The following DIP2B variants were observed in gnomAD, a reference collection of about 807,000 sequenced individuals.
DIP2B encodes the protein disco-interacting protein 2 homolog B.
A neutral mutation model predicts 198.0 loss-of-function variants in DIP2B; 76 were observed. That is an observed-to-expected ratio of 0.38 (90% CI 0.32 to 0.46). The LOEUF (loss-of-function observed/expected upper bound fraction) is 0.46. Among genes scored for constraint, DIP2B ranks in the 20% least tolerant of loss-of-function variants. The pLI is 0.99. For synonymous variants in DIP2B, 701 were observed against 739.1 expected (o/e 0.95, Z 0.84); for missense variants, 1,559 against 1,978.4 (o/e 0.79, Z 4.02).
Position 50,721,526 on chromosome 12 carries a change from A to G in DIP2B, c.3166+130A>G, listed in dbSNP as rs114596175. On this transcript the variant is annotated intron_variant, in intron 26 of 37. Transcript: ENST00000301180. ...TGTACTTCCCAACACTTAGAAGACC[A>G]TGCACACAGGCCAAAGTGGGAACCA... 3,322 of 1,399,040 alleles carry G rather than the reference A, an allele frequency of 2.4e-3. 85 individuals carry two copies. The African/African-American group carries it at 0.042, about 18-fold the overall frequency. The allele number at this position is 1,399,040 out of a possible 1,614,324, so 86.7% of individuals were successfully genotyped here.
intron 1 of DIP2B, among the ~76,000 whole-genome samples, chr12:50,546,363 G>T (rs1057441510): frequency 6.6e-6 from 1 of 152,170 alleles, no homozygotes; most frequent in Non-Finnish European, 1.5e-5. Context: ...TTTATTTTAG[G>T]TTCAGGGGGT....
chr12:50,737,493 AT>A (rs1373826955), intron 35 of DIP2B, among the ~76,000 whole-genome samples: 2 of 152,144 alleles, frequency 1.3e-5, no homozygotes, highest in Non-Finnish European at 2.9e-5. Flanking sequence ...TAACAAAAAA[AT>A]TCTAGGCCCA....
intron 1 of DIP2B, among the ~76,000 whole-genome samples, chr12:50,568,962 TCCGTAAGAATTCTC>T (rs1958590536): frequency 6.6e-6 from 1 of 152,014 alleles, no homozygotes; most frequent in Non-Finnish European, 1.5e-5. Flanking sequence ...TTTTTTTTTG[TCCGTAAGAATTCTC>T]TTCCCTAGTC....
At chr12:50,690,696 ACCTTT>A (rs1939209079) in intron 12 of DIP2B, among the ~76,000 whole-genome samples, 1 of 152,126 alleles carries the variant, frequency 6.6e-6, no homozygotes, top group Non-Finnish European at 1.5e-5. Flanking sequence ...CGTCTTACAT[ACCTTT>A]CACTCTGCAG....
At chr12:50,720,873 C>T (rs1939823202) in intron 25 of DIP2B, among the ~76,000 whole-genome samples, 1 of 152,180 alleles carries the variant, frequency 6.6e-6, no homozygotes. Flanking sequence ...GAGACAGAAT[C>T]TCGCTCTGTC....
In DIP2B at chr12:50,505,239, G is replaced by A; in HGVS notation, c.99G>A (p.Glu33=). 6 of 1,512,288 alleles carry A rather than the reference G, an allele frequency of 4.0e-6. No individual in the cohort carries two copies. In the South Asian group the frequency reaches 7.3e-5, roughly 18 times the overall value. The allele number at this position is 1,512,288 out of a possible 1,614,324, so 93.7% of individuals were successfully genotyped here. Residue 33 remains glutamate, a splice_region_variant and synonymous_variant, in exon 1 of 38, where the codon GAG becomes GAA. Transcript: ENST00000301180. ...QLAELELELS[E]GDITQKGYEK... is the part of the protein sequence containing the mutation. ...CGGAGCTGGAGCTGGAGCTCTCGGAGGGTAGGAGCCGGGCCGGGGAGAGGG... is the reference window on the plus strand; with the variant it reads ...CGGAGCTGGAGCTGGAGCTCTCGGAAGGTAGGAGCCGGGCCGGGGAGAGGG...
chr12:50,531,860 T>C (rs765795666), intron 1 of DIP2B, among the ~76,000 whole-genome samples: 1 of 152,170 alleles, frequency 6.6e-6, no homozygotes, highest in Non-Finnish European at 1.5e-5. Context: ...GAGTAAAAAA[T>C]TGCTCCTGGC....
At chr12:50,524,112 G>A (rs914337233) in intron 1 of DIP2B, among the ~76,000 whole-genome samples, 8 of 152,048 alleles carry the variant, frequency 5.3e-5, no homozygotes, top group Admixed American at 2.0e-4. Context: ...TCTCCTTCAG[G>A]CCACCTCTCT....
chr12:50,618,698 A>G (rs187484393), intron 1 of DIP2B, among the ~76,000 whole-genome samples: 2 of 152,278 alleles, frequency 1.3e-5, no homozygotes, highest in Admixed American at 6.5e-5. Context: ...TCTGTGCCTC[A>G]CTGTCCTCAC....
intron 1 of DIP2B, among the ~76,000 whole-genome samples, chr12:50,507,822 C>CTGTAAA (rs781712893): frequency 2.6e-5 from 4 of 152,236 alleles, no homozygotes; most frequent in Non-Finnish European, 5.9e-5. Context: ...AGGCGTGAGC[C>CTGTAAA]ACCGCTAAAG....
At chr12:50,532,972 C>G (rs1958231822) in intron 1 of DIP2B, among the ~76,000 whole-genome samples, 1 of 152,182 alleles carries the variant, frequency 6.6e-6, no homozygotes, top group African/African-American at 2.4e-5. Flanking sequence ...ATTTCTGATT[C>G]ATTTGACAGG....
chr12:50,632,980 T>A (rs553785012), intron 2 of DIP2B, among the ~76,000 whole-genome samples: 1 of 152,250 alleles, frequency 6.6e-6, no homozygotes, highest in East Asian at 1.9e-4. Flanking sequence ...GATCTCGCTA[T>A]GTTGCTCAGG....
Position 50,746,458 on chromosome 12 carries a change from C to A in DIP2B, c.*1619C>A, listed in dbSNP as rs188126384. ...GAAAATAAGGTTTATAATGCAAAGA[C>A]CAGCTCCTTTGCGGTGGCAGTGCTC... is the stretch of plus-strand genomic sequence containing the variant. On this transcript the variant is annotated 3_prime_UTR_variant, in exon 38 of 38. Coordinates refer to ENST00000301180, the MANE Select transcript of DIP2B (RefSeq NM_173602.3). 6.6e-6 allele frequency: 1 copy of A among 152,224 alleles called. No homozygotes were observed. Among genetic ancestry groups the A allele is most frequent in the Admixed American group, 6.5e-5 (1 of 15,296 alleles). 9.4% of individuals were successfully genotyped at this position (152,224 alleles called of 1,614,324 possible). A position where few individuals can be genotyped will look rare whatever the true frequency, so the allele number is the denominator to read the frequency against.
chr12:50,683,316 A>G (rs543669276), intron 10 of DIP2B, 68 bp downstream of exon 10: 8 of 1,311,202 alleles, frequency 6.1e-6, no homozygotes, highest in Non-Finnish European at 8.6e-6. Context: ...TCTTGGATAG[A>G]TGTAGTCACA....
chr12:50,664,095 C>A (rs995083380), intron 4 of DIP2B, among the ~76,000 whole-genome samples: 2 of 152,038 alleles, frequency 1.3e-5, no homozygotes, highest in African/African-American at 4.8e-5. Flanking sequence ...TAGAGTGCAC[C>A]AGCCAGTCAG....
At chr12:50,520,794 C>T (rs909977637) in intron 1 of DIP2B, among the ~76,000 whole-genome samples, 3 of 152,138 alleles carry the variant, frequency 2.0e-5, no homozygotes, top group Non-Finnish European at 2.9e-5. Context: ...AAATGCTTTT[C>T]GGTTCAGCTA....
intron 1 of DIP2B, among the ~76,000 whole-genome samples, chr12:50,534,787 C>G (rs984269128): frequency 6.6e-6 from 1 of 152,132 alleles, no homozygotes; most frequent in Non-Finnish European, 1.5e-5. Context: ...GCTTTGTGAC[C>G]TTGGGCAAGT....
intron 35 of DIP2B, among the ~76,000 whole-genome samples, chr12:50,738,536 T>C (rs1359823968): frequency 1.3e-5 from 2 of 152,154 alleles, no homozygotes; most frequent in African/African-American, 4.8e-5. Context: ...CAGGCTGGAA[T>C]GCAGTGGTGC....
At chr12:50,668,817 T>C (rs1938800334) in intron 4 of DIP2B, among the ~76,000 whole-genome samples, 1 of 152,222 alleles carries the variant, frequency 6.6e-6, no homozygotes, top group Admixed American at 6.5e-5. Context: ...TTAACATGTT[T>C]GCTAAGACAG....
Sources: gnomAD v4.1 joint callset for allele counts (sites outside exome capture counted in the v4.1 genomes callset) on GRCh38, gnomAD v4.1.1 for gene constraint, MANE v1.5 for transcripts, NCBI Gene and HGNC (gene_info 2026-07-23, HGNC 2026-07-21) for gene names.